Variants in FYB2 observed in about 807,000 individuals in gnomAD.
FYB2 encodes FYN-binding protein 2.
Under a neutral mutation model 94.1 loss-of-function variants are expected in FYB2, and 103 were observed. The observed-to-expected ratio is 1.09, with a 90% CI of 0.93 to 1.29. The LOEUF is 1.29. Among genes scored for constraint, FYB2 ranks in the 50% most tolerant of loss-of-function variants. The pLI is 0.00. For missense variants in FYB2, 896 were observed against 841.5 expected, an observed-to-expected ratio of 1.06 and a Z score of -0.80; for synonymous variants, 293 against 287.9, an observed-to-expected ratio of 1.02 and a Z score of -0.18.
intron 4 of FYB2, among the ~76,000 whole-genome samples, chr1:56,782,429 G>A (rs1360428508): frequency 6.6e-6 from 1 of 151,888 alleles, no homozygotes; most frequent in South Asian, 2.1e-4. Context: ...CTTTGATAAG[G>A]CATCTATTCC....
rs1340573701 is a variant in FYB2 at position 56,800,300 on chromosome 1, T to C, written c.10-7497A>G. 2.0e-5 allele frequency among the ~76,000 whole-genome samples: 3 copies of C among 152,126 alleles called. No individual in the cohort carries two copies. The East Asian group carries it at 5.8e-4, about 29-fold the overall frequency. Reference sequence around the variant, plus strand: ...CCTTCATGACTAAAAGGGCTTCAATTCAACCTTCACTACTATAAGAGCTAT... The same window carrying C: ...CCTTCATGACTAAAAGGGCTTCAATCCAACCTTCACTACTATAAGAGCTAT... On this transcript the variant is annotated intron_variant, in intron 1 of 19. Coordinates refer to ENST00000343433, the MANE Select transcript of FYB2 (RefSeq NM_001004303.5).
intron 1 of FYB2, among the ~76,000 whole-genome samples, chr1:56,795,428 C>T (rs979768674): frequency 1.3e-5 from 2 of 152,120 alleles, no homozygotes; most frequent in East Asian, 1.9e-4. Flanking sequence ...ATGAATGATG[C>T]TTCTATAAAC....
chr1:56,755,476 G>A (rs1645305163), intron 7 of FYB2, among the ~76,000 whole-genome samples: 1 of 152,084 alleles, frequency 6.6e-6, no homozygotes. Context: ...ACTTAAAAGA[G>A]CAAAGGCAAA....
At chr1:56,758,162 T>C (rs1645403699) in intron 6 of FYB2, among the ~76,000 whole-genome samples, 1 of 151,838 alleles carries the variant, frequency 6.6e-6, no homozygotes, top group African/African-American at 2.4e-5. Context: ...ATAAGCTGTA[T>C]ACCTTCATTT....
At chr1:56,738,531 TG>T in intron 14 of FYB2, 93 bp downstream of exon 14, 1 of 1,262,850 alleles carries the variant, frequency 7.9e-7, no homozygotes. Flanking sequence ...TCATCAAATG[TG>T]GGAATGCAGG....
chr1:56,773,756 G>C (rs757256123), intron 4 of FYB2, among the ~76,000 whole-genome samples: 18 of 152,170 alleles, frequency 1.2e-4, no homozygotes, highest in Non-Finnish European at 2.2e-4. Context: ...TATTTTGTTA[G>C]GTTGAAAACA....
At chr1:56,818,089 T>G (rs555812047) in intron 1 of FYB2, among the ~76,000 whole-genome samples, 1 of 152,186 alleles carries the variant, frequency 6.6e-6, no homozygotes, top group South Asian at 2.1e-4. Context: ...GTAAGTCAGT[T>G]TCCTTTTCTT....
At chr1:56,800,431 G>A (rs1646492676) in intron 1 of FYB2, among the ~76,000 whole-genome samples, 2 of 152,008 alleles carry the variant, frequency 1.3e-5, no homozygotes, top group African/African-American at 4.8e-5. Flanking sequence ...TAAGGTTAAA[G>A]CTTAAGGTTA....
chr1:56,781,109 C>T (rs530663499), intron 4 of FYB2, among the ~76,000 whole-genome samples: 1 of 152,324 alleles, frequency 6.6e-6, no homozygotes, highest in South Asian at 2.1e-4. Flanking sequence ...GGAAAGAGCA[C>T]TGTAGTTGCA....
chr1:56,781,195 T>A (rs1269870506), intron 4 of FYB2, among the ~76,000 whole-genome samples: 2 of 152,256 alleles, frequency 1.3e-5, no homozygotes, highest in Non-Finnish European at 1.5e-5. Context: ...TTGTTGTTGC[T>A]GTTATTAAGT....
chr1:56,757,690 C>CCTTCTTTTTTT lies in FYB2; in HGVS notation c.1098+1025_1098+1026insAAAAAAAGAAG, dbSNP rs1218633074. ...TTCTTTCCTCTTTCCTTCCTTCCTTCTTTCTTTCTTTCTTTCTTTCTTTCT... is the reference window on the plus strand; with the variant it reads ...TTCTTTCCTCTTTCCTTCCTTCCTTCCTTCTTTTTTTTTTCTTTCTTTCTTTCTTTCTTTCT... On this transcript the variant is annotated intron_variant, in intron 6 of 19. Transcript: ENST00000343433. 9.5e-4 allele frequency among the ~76,000 whole-genome samples: 51 copies of CCTTCTTTTTTT among 53,854 alleles called. 1 individual carries two copies. The highest frequency in any genetic ancestry group is 1.7e-3 in the Non-Finnish European group (46 of 27,770). 35.3% of individuals were successfully genotyped at this position (53,854 alleles called of 152,430 possible).
rs140047407 is a variant in FYB2, at chr1:56,744,180, C to G, written c.1474G>C (p.Asp492His). Residue 492 changes from aspartate (D) to histidine (H), a missense_variant, in exon 10 of 20, where the codon GAT (aspartate) becomes CAT (histidine). Asp to His is a moderately conservative substitution (Grantham distance 81). Transcript: ENST00000343433. ...TCTTTCCTGGAGTACTCGACATCAT[C>G]ATATATCTCCTCCGAGATGGAACTT... ...KTSSISEEIY[D>H]DVEYSRKEVP... The G allele has an allele frequency of 6.5e-4, 1,053 of 1,612,702 alleles. 2 individuals carry two copies. In the Middle Eastern group the frequency reaches 9.9e-3, roughly 15 times the overall value.
intron 15 of FYB2, 117 bp downstream of exon 15, chr1:56,736,970 T>G: frequency 1.2e-6 from 1 of 808,390 alleles, no homozygotes; most frequent in Non-Finnish European, 2.0e-6. Flanking sequence ...CTATCTTAAG[T>G]TGACTTTTCA....
chr1:56,818,666 T>C (rs140297023), intron 1 of FYB2, among the ~76,000 whole-genome samples: 24 of 152,318 alleles, frequency 1.6e-4, no homozygotes, highest in African/African-American at 5.5e-4. Context: ...TAGGGCAGGA[T>C]ACTTTTCCAT....
At chr1:56,825,375 C>G in the FYB2 span, among the ~76,000 whole-genome samples, 39 of 152,238 alleles carry the variant, frequency 2.6e-4, no homozygotes, top group African/African-American at 8.9e-4. Flanking sequence ...GGAAGCTCCA[C>G]GCTTGATGTG....
intron 14 of FYB2, among the ~76,000 whole-genome samples, chr1:56,737,931 T>C (rs562882096): frequency 5.3e-5 from 8 of 152,204 alleles, no homozygotes; most frequent in African/African-American, 1.9e-4. Flanking sequence ...TCATTTGTCT[T>C]TTAGTTCAGC....
Position 56,726,550 on chromosome 1 carries a change from CT to C in FYB2, c.1826del (p.Lys609SerfsTer3). ...CTTTTTTTTCCTTTGGTGTCAGAAACTTGGGCTTCCACATTTTCAGTTTATC... is the reference window on the plus strand; with the variant it reads ...CTTTTTTTTCCTTTGGTGTCAGAAACTGGGCTTCCACATTTTCAGTTTATC... Reference protein sequence around the residue: ...DEDKLKMWKPKFLTPKEKKEK... With the variant: ...DEDKLKMWKPXFLTPKEKKEK... On this transcript the variant is annotated frameshift_variant, in exon 16 of 20. Transcript: ENST00000343433. LOFTEE classifies it high-confidence loss of function. 1 of 1,612,036 alleles carries C rather than the reference CT, an allele frequency of 6.2e-7. No individual in the cohort carries two copies. The highest frequency in any genetic ancestry group is 8.5e-7 in the Non-Finnish European group (1 of 1,178,900).
intron 1 of FYB2, among the ~76,000 whole-genome samples, chr1:56,803,654 C>G (rs575557558): frequency 6.6e-6 from 1 of 152,330 alleles, no homozygotes; most frequent in Non-Finnish European, 1.5e-5. Flanking sequence ...TCACAAGTAT[C>G]TATCAGTTAA....
In FYB2 at chr1:56,737,153, G is replaced by T. The variant is rs774759137; in HGVS notation, c.1733-6C>A. On this transcript the variant is annotated splice_polypyrimidine_tract_variant and splice_region_variant and intron_variant, in intron 14 of 19. Coordinates refer to ENST00000343433, the MANE Select transcript of FYB2 (RefSeq NM_001004303.5). ...AACTTCCTGAGACTTAAGTTCTAGGGTCAAGACAGAATCAAAATAGTCCAT... is the reference window on the plus strand; with the variant it reads ...AACTTCCTGAGACTTAAGTTCTAGGTTCAAGACAGAATCAAAATAGTCCAT... 8 of 1,596,612 alleles carry T rather than the reference G, an allele frequency of 5.0e-6. No individual in the cohort carries two copies. Among genetic ancestry groups the T allele is most frequent in the Non-Finnish European group, 6.8e-6 (8 of 1,168,560 alleles).
Sources: gnomAD v4.1 joint callset for allele counts (sites outside exome capture counted in the v4.1 genomes callset) on GRCh38, gnomAD v4.1.1 for gene constraint, MANE v1.5 for transcripts, NCBI Gene and HGNC (gene_info 2026-07-23, HGNC 2026-07-21) for gene names.